ISY1: variants seen among roughly 807,000 people sequenced by gnomAD.
ISY1 encodes the protein ISY1 spliceosome associated protein.
In ISY1, 12 loss-of-function variants were observed where a neutral mutation model predicts 54.4. The ratio of observed to expected loss-of-function variants is 0.22; its 90% CI spans 0.14 to 0.36. The LOEUF is 0.36. Ranked by LOEUF, ISY1 falls within the 10% of genes least tolerant of loss-of-function variation. The probability of loss-of-function intolerance (pLI) is 1.00; values close to 1 mark genes in which losing one functional copy is unlikely to be tolerated. For synonymous variants in ISY1, 96 were observed against 117.9 expected, an observed-to-expected ratio of 0.81 and a Z score of 1.20; for missense variants, 282 against 342.2, an observed-to-expected ratio of 0.82 and a Z score of 1.39.
chr3:129,138,510 G>A (rs2107605143), intron 7 of ISY1, among the ~76,000 whole-genome samples: 1 of 152,206 alleles, frequency 6.6e-6, no homozygotes, highest in African/African-American at 2.4e-5. Context: ...TGGGCATGGT[G>A]GCAGATGCCT....
In ISY1 at chr3:129,128,231, C is replaced by T. The variant is rs1285398145; in HGVS notation, c.*1850G>A. On this transcript the variant is annotated 3_prime_UTR_variant, in exon 11 of 11. Transcript: ENST00000393295. ...TGCTGGGTCCCAGAGGCGAGTCTGC[C>T]TTGCTGCCTCCAAGGGCTCCCAAAG... 2.0e-5 allele frequency: 3 copies of T among 153,208 alleles called. No homozygotes were observed. Among genetic ancestry groups the T allele is most frequent in the African/African-American group, 7.2e-5 (3 of 41,446 alleles). 9.5% of individuals were successfully genotyped at this position (153,208 alleles called of 1,614,324 possible).
intron 3 of ISY1, among the ~76,000 whole-genome samples, chr3:129,157,716 CAAAA>C (rs1265760940): frequency 2.2e-5 from 1 of 44,514 alleles, no homozygotes; most frequent in African/African-American, 9.6e-5. Flanking sequence ...GCGTCCATCT[CAAAA>C]AAAAAAAAAA....
At chr3:129,158,632 G>A in intron 2 of ISY1, 73 bp from the exon 3 acceptor site, 1 of 1,591,530 alleles carries the variant, frequency 6.3e-7, no homozygotes, top group Non-Finnish European at 8.6e-7. Flanking sequence ...CCATGTTCCT[G>A]TATGGGGTAG....
intron 3 of ISY1, among the ~76,000 whole-genome samples, chr3:129,157,983 C>T (rs1937193842): frequency 6.6e-6 from 1 of 152,000 alleles, no homozygotes; most frequent in South Asian, 2.1e-4. Flanking sequence ...GCCTCAGCCT[C>T]AAGTAGCTGG....
intron 3 of ISY1, 126 bp downstream of exon 3, chr3:129,158,382 C>T (rs1937208039): frequency 6.0e-6 from 8 of 1,338,962 alleles, no homozygotes; most frequent in African/African-American, 5.8e-5. Context: ...TGGTCTCAAA[C>T]TCCTAGACTC....
chr3:129,141,551 G>A (rs1356964001), intron 6 of ISY1, among the ~76,000 whole-genome samples: 5 of 151,820 alleles, frequency 3.3e-5, no homozygotes, highest in Non-Finnish European at 7.4e-5. Flanking sequence ...TCAGGAGACC[G>A]AGACCATCCT....
At chr3:129,144,981 GCTCA>G in intron 6 of ISY1, among the ~76,000 whole-genome samples, 1 of 152,222 alleles carries the variant, frequency 6.6e-6, no homozygotes, top group East Asian at 1.9e-4. Context: ...CATGATGACA[GCTCA>G]CTGCAGCCTC....
In ISY1 at chr3:129,158,492, G is replaced by C. The variant is rs1336093003; in HGVS notation, c.78+16C>G. The C allele has an allele frequency of 1.2e-6, 2 of 1,613,236 alleles. No individual in the cohort carries two copies. The highest frequency in any genetic ancestry group is 2.7e-5 in the African/African-American group (2 of 74,894). ...TTCTTGATACTTTACAATTCATGAG[G>C]AAGATTTACACCAACCTTCACTTTT... On this transcript the variant is annotated intron_variant, in intron 3 of 10. Coordinates refer to ENST00000393295, the MANE Select transcript of ISY1 (RefSeq NM_020701.4).
Position 129,146,231 on chromosome 3 carries a change from C to A in ISY1, c.188-358G>T, listed in dbSNP as rs376973694. On this transcript the variant is annotated intron_variant, in intron 5 of 10. Coordinates refer to ENST00000393295, the MANE Select transcript of ISY1 (RefSeq NM_020701.4). ...ACAGCAACTAAGGCCAGCAAAGACA[C>A]AATGAGGCTGGGATACGCACCCAGG... Among the ~76,000 whole-genome samples, 26 of 152,262 alleles carry A rather than the reference C, an allele frequency of 1.7e-4. 3 individuals carry two copies. The highest frequency in any genetic ancestry group is 5.9e-4 in the Admixed American group (9 of 15,286).
chr3:129,145,601 G>C (rs757202800), intron 6 of ISY1, among the ~76,000 whole-genome samples, 160 bp downstream of exon 6: 1 of 152,164 alleles, frequency 6.6e-6, no homozygotes, highest in African/African-American at 2.4e-5. Context: ...CAGATGCCCC[G>C]TCTGCTGTGA....
intron 5 of ISY1, among the ~76,000 whole-genome samples, chr3:129,146,796 G>A (rs1054204834): frequency 7.9e-5 from 12 of 151,942 alleles, no homozygotes; most frequent in Non-Finnish European, 1.2e-4. Flanking sequence ...AGTGGCTCAC[G>A]CCTGTAATCC....
chr3:129,159,098 A>C (rs564427908), intron 2 of ISY1, 56 bp downstream of exon 2: 1 of 1,590,570 alleles, frequency 6.3e-7, no homozygotes, highest in South Asian at 1.2e-5. Flanking sequence ...ACAAAGAGTT[A>C]CATGGTGGTT....
intron 5 of ISY1, among the ~76,000 whole-genome samples, chr3:129,149,805 A>AAAAG (rs145818302): frequency 0.11 from 6,407 of 59,544 alleles, 351 homozygotes; most frequent in African/African-American, 0.13. Flanking sequence ...AAAAAAAAAA[A>AAAAG]AAAGAAAGAA....
chr3:129,134,888 T>TTAA lies in ISY1; in HGVS notation c.484_485insTTA (p.Tyr162delinsPheAsn). On this transcript the variant is annotated protein_altering_variant, in exon 8 of 11. Transcript: ENST00000393295. ...AATAACACCATCATCTTCATCTAGGTAACCATAGTACTCAAAATCGATTGC... is the reference window on the plus strand; with the variant it reads ...AATAACACCATCATCTTCATCTAGGTTAAAACCATAGTACTCAAAATCGATTGC... 6.2e-7 allele frequency: 1 copy of TTAA among 1,611,808 alleles called. No homozygotes were observed. Among genetic ancestry groups the TTAA allele is most frequent in the East Asian group, 2.2e-5 (1 of 44,800 alleles).
At chr3:129,132,718 C>G (rs1170339069) in intron 9 of ISY1, among the ~76,000 whole-genome samples, 1 of 152,206 alleles carries the variant, frequency 6.6e-6, no homozygotes, top group Non-Finnish European at 1.5e-5. Flanking sequence ...CACCATGCCC[C>G]TGCACCTGGA....
At chr3:129,157,248 G>A (rs1336390458) in intron 3 of ISY1, among the ~76,000 whole-genome samples, 1 of 151,962 alleles carries the variant, frequency 6.6e-6, no homozygotes, top group African/African-American at 2.4e-5. Context: ...ACATAAATAT[G>A]GGTGTATTCA....
rs1292252113 is a variant in ISY1, at chr3:129,141,151, G to C, written c.301-666C>G. 2.6e-5 allele frequency among the ~76,000 whole-genome samples: 4 copies of C among 151,216 alleles called. No homozygotes were observed. In the East Asian group the frequency reaches 7.9e-4, roughly 30 times the overall value. ...ACCTGGGAGGTGGAGATTGCAGCGA[G>C]CCAAGATCGTGCCACTGTACTCCAG... is the stretch of plus-strand genomic sequence containing the variant. On this transcript the variant is annotated intron_variant, in intron 6 of 10. Coordinates refer to ENST00000393295, the MANE Select transcript of ISY1 (RefSeq NM_020701.4).
chr3:129,153,365 T>C (rs1336210472), intron 5 of ISY1, among the ~76,000 whole-genome samples: 1 of 152,228 alleles, frequency 6.6e-6, no homozygotes, highest in Non-Finnish European at 1.5e-5. Context: ...TTTTGAACTG[T>C]GTCTCTAAAC....
At chr3:129,135,019 T>C (rs1478877772) in intron 7 of ISY1, 65 bp from the exon 8 acceptor site, 3 of 1,535,480 alleles carry the variant, frequency 2.0e-6, no homozygotes, top group Non-Finnish European at 2.6e-6. Context: ...AGCTGTCTCC[T>C]GATGCAACGC....
Sources: allele counts gnomAD v4.1 joint callset (sites outside exome capture counted in the v4.1 genomes callset), GRCh38; gene constraint gnomAD v4.1.1; transcripts MANE v1.5; gene names NCBI Gene and HGNC (gene_info 2026-07-23, HGNC 2026-07-21).